SYNE2: variants seen among roughly 807,000 people sequenced by gnomAD.
The protein encoded by SYNE2 is nesprin-2.
Under a neutral mutation model 856.3 loss-of-function variants are expected in SYNE2, and 431 were observed. The ratio of observed to expected loss-of-function variants is 0.50; its 90% CI spans 0.47 to 0.55. SYNE2 has a LOEUF of 0.55. Ranked by LOEUF, SYNE2 falls within the 20% of genes least tolerant of loss-of-function variation. SYNE2 has a pLI of 0.00. For synonymous variants in SYNE2, 2,923 were observed against 2,872.3 expected (o/e 1.02, Z -0.56); for missense variants, 8,129 against 8,023.2 (o/e 1.01, Z -0.50).
intron 1 of SYNE2, among the ~76,000 whole-genome samples, chr14:63,874,547 A>G (rs915354752): frequency 6.6e-6 from 1 of 152,188 alleles, no homozygotes; most frequent in Non-Finnish European, 1.5e-5. Flanking sequence ...GCCACTAACT[A>G]GCCTTGTCTC....
chr14:63,813,117 A>G (rs945887441), intron 1 of SYNE2, among the ~76,000 whole-genome samples: 3 of 152,186 alleles, frequency 2.0e-5, no homozygotes, highest in Non-Finnish European at 2.9e-5. Context: ...GAGGTTTTTA[A>G]AAGTGTAAAA....
At chr14:64,145,373 C>T (rs1300055207) in intron 83 of SYNE2, among the ~76,000 whole-genome samples, 24 of 151,836 alleles carry the variant, frequency 1.6e-4, no homozygotes, top group African/African-American at 4.8e-4. Context: ...CTGGGCATGG[C>T]GGCACGTGCC....
rs756967024 is a variant in SYNE2, at chr14:64,175,029, T to C, written c.17321T>C (p.Leu5774Pro). The C allele has an allele frequency of 3.2e-5, 52 of 1,614,052 alleles. No homozygotes were observed. In the Admixed American group the frequency reaches 8.5e-4, roughly 26 times the overall value. The change falls in exon 95 of 116, where the codon CTG becomes CCG. Residue 5774 changes from leucine (L) to proline (P), a missense_variant. This residue lies in a region of SYNE2 where 5,410 missense variants were observed against 5,284.8 expected (regional missense o/e 1.02). Transcript: ENST00000555002. The part of the protein sequence containing the change: ...AGEKLLLTTD[L>P]KTKESVGRRI... ...GAAAAGTTACTGCTCACAACTGACC[T>C]GAAAACTAAAGAGTCTGTGGGTAGG...
chr14:63,979,021 T>C lies in SYNE2; in HGVS notation c.1569+7T>C. 1 of 1,613,278 alleles carries C rather than the reference T, an allele frequency of 6.2e-7. No individual in the cohort carries two copies. The highest frequency in any genetic ancestry group is 1.1e-5 in the South Asian group (1 of 91,028). On this transcript the variant is annotated splice_region_variant and intron_variant, in intron 14 of 115. Coordinates refer to ENST00000555002, the MANE Select transcript of SYNE2 (RefSeq NM_182914.3). ...ATTGCTGGAAGACTGGCATGTAAGC[T>C]TTTCAATTTTGTGTCTTAGGCAACT...
chr14:64,138,857 C>T (rs1312801751), intron 79 of SYNE2, among the ~76,000 whole-genome samples: 2 of 150,706 alleles, frequency 1.3e-5, no homozygotes, highest in South Asian at 2.1e-4. Flanking sequence ...CGGGCAAATA[C>T]GTTGGGTGTT....
chr14:63,776,622 C>CA (rs1887117049), intron 1 of SYNE2, among the ~76,000 whole-genome samples: 7 of 137,188 alleles, frequency 5.1e-5, no homozygotes. Flanking sequence ...TTTTTTCAGA[C>CA]AGAGTCTCAC....
chr14:64,090,736 A>G, intron 59 of SYNE2, 130 bp from the exon 60 acceptor site: 3 of 844,236 alleles, frequency 3.6e-6, no homozygotes, highest in Non-Finnish European at 3.6e-6. Flanking sequence ...GTTCTTTTCA[A>G]TCTGAGCTAA....
intron 13 of SYNE2, among the ~76,000 whole-genome samples, chr14:63,978,560 T>C (rs2096562289): frequency 6.6e-6 from 1 of 152,240 alleles, no homozygotes; most frequent in South Asian, 2.1e-4. Flanking sequence ...AGTTTTCAGA[T>C]TTAGTAAACT....
At chr14:63,885,256 C>A (rs1246858539) in intron 1 of SYNE2, among the ~76,000 whole-genome samples, 1 of 152,216 alleles carries the variant, frequency 6.6e-6, no homozygotes, top group Non-Finnish European at 1.5e-5. Flanking sequence ...ATTATTGAGC[C>A]TGCTTTGCAA....
intron 43 of SYNE2, 139 bp from the exon 44 acceptor site, chr14:64,029,748 CTAAAATCT>C: frequency 3.9e-6 from 4 of 1,013,334 alleles, no homozygotes; most frequent in Non-Finnish European, 4.4e-6. Context: ...ATCTCCAACT[CTAAAATCT>C]TTAGAACTCT....
Position 64,223,264 on chromosome 14 carries a change from A to G in SYNE2, c.20266A>G (p.Lys6756Glu), listed in dbSNP as rs1364542012. The change falls in exon 113 of 116, where the codon AAG becomes GAG. Residue 6756 changes from lysine (K) to glutamate (E), a missense_variant. By Grantham distance (56) the Lys-to-Glu change is moderately conservative. Transcript: ENST00000555002. ...GGAGATTTCAAACAGCCTTCTCATTAAGGGACATGGAGAAGACTGTATTGA... is the reference window on the plus strand; with the variant it reads ...GGAGATTTCAAACAGCCTTCTCATTGAGGGACATGGAGAAGACTGTATTGA... ...LQEISNSLLI[K>E]GHGEDCIEAE... 6.2e-7 allele frequency: 1 copy of G among 1,614,222 alleles called. No individual in the cohort carries two copies. Among genetic ancestry groups the G allele is most frequent in the Non-Finnish European group, 8.5e-7 (1 of 1,180,022 alleles).
At position 63,976,735 on chromosome 14, in the gene SYNE2, A is replaced by G. The variant is rs1281459392; in HGVS notation, c.1293+8A>G. On this transcript the variant is annotated splice_region_variant and intron_variant, in intron 12 of 115. Coordinates refer to ENST00000555002, the MANE Select transcript of SYNE2 (RefSeq NM_182914.3). ...AAAATGACTTTATTCAAGGTTGGAA[A>G]AGAAAAAAAAGAGATGTAGGAAAAT... The G allele has an allele frequency of 6.2e-7, 1 of 1,612,942 alleles. No individual in the cohort carries two copies. The highest frequency in any genetic ancestry group is 8.5e-7 in the Non-Finnish European group (1 of 1,179,140).
In SYNE2 at chr14:64,205,794, A is replaced by G. The variant is rs541831427; in HGVS notation, c.18201+2831A>G. 2.9e-4 allele frequency among the ~76,000 whole-genome samples: 44 copies of G among 152,058 alleles called. No individual in the cohort carries two copies. In the East Asian group the frequency reaches 7.9e-3, roughly 27 times the overall value. The stretch of plus-strand genomic sequence containing the variant: ...GAACCACTTTCATTGAATCTTTAAG[A>G]TCCCTGTCCTAGTTTGTTCATTGGT... On this transcript the variant is annotated intron_variant, in intron 100 of 115. Coordinates refer to ENST00000555002, the MANE Select transcript of SYNE2 (RefSeq NM_182914.3).
At chr14:63,866,965 A>T (rs1895515927) in intron 1 of SYNE2, among the ~76,000 whole-genome samples, 1 of 152,026 alleles carries the variant, frequency 6.6e-6, no homozygotes, top group South Asian at 2.1e-4. Flanking sequence ...CCAACAAAAA[A>T]AGAAAAAATT....
chr14:63,836,758 C>G (rs559430433), intron 1 of SYNE2, among the ~76,000 whole-genome samples: 1 of 152,314 alleles, frequency 6.6e-6, no homozygotes, highest in Admixed American at 6.5e-5. Flanking sequence ...TCTCCCCCGA[C>G]AGTCTGTGCT....
At chr14:64,166,953 G>A (rs2098383308) in intron 90 of SYNE2, 2 of 453,954 alleles carry the variant, frequency 4.4e-6, no homozygotes, top group Admixed American at 3.5e-5. Flanking sequence ...AAATAAAAAA[G>A]CCTATTTTCT....
chr14:63,845,522 T>C (rs1312580706), intron 1 of SYNE2, among the ~76,000 whole-genome samples: 1 of 152,120 alleles, frequency 6.6e-6, no homozygotes, highest in Non-Finnish European at 1.5e-5. Flanking sequence ...ACTTTCTTCT[T>C]CTTGTTTTGA....
Position 63,934,945 on chromosome 14 carries a change from A to C in SYNE2, c.80-5669A>C, listed in dbSNP as rs2095811510. Among the ~76,000 whole-genome samples the C allele has an allele frequency of 2.6e-5, 4 of 152,116 alleles. No individual in the cohort carries two copies. In the South Asian group the frequency reaches 8.3e-4, roughly 32 times the overall value. ...CCCGATTAGTGTACAGTGTGTGCATATAACTTGATCTTGGAATCACAAAAA... is the reference window on the plus strand; with the variant it reads ...CCCGATTAGTGTACAGTGTGTGCATCTAACTTGATCTTGGAATCACAAAAA... On this transcript the variant is annotated intron_variant, in intron 2 of 115. Transcript: ENST00000555002.
chr14:64,052,898 C>T lies in SYNE2; in HGVS notation c.8985C>T (p.Ile2995=), dbSNP rs2097238156. 6.2e-7 allele frequency: 1 copy of T among 1,613,424 alleles called. No homozygotes were observed. The highest frequency in any genetic ancestry group is 1.3e-5 in the African/African-American group (1 of 74,908). ...GACTCACCGCTATTAAGTGTTGCATCTTACAGGTATTGAAACTTAAAAAAG... is the reference window on the plus strand; with the variant it reads ...GACTCACCGCTATTAAGTGTTGCATTTTACAGGTATTGAAACTTAAAAAAG... The part of the protein sequence containing the change: ...KDRLTAIKCC[I]LQVLKLKKVF... The change falls in exon 48 of 116, where the codon ATC becomes ATT. Residue 2995 remains isoleucine (I), a synonymous_variant. Transcript: ENST00000555002.
Sources: gnomAD v4.1 joint callset for allele counts (sites outside exome capture counted in the v4.1 genomes callset) on GRCh38, gnomAD v4.1.1 for gene constraint, gnomAD v4.1.1 regional missense constraint, MANE v1.5 for transcripts, NCBI Gene and HGNC (gene_info 2026-07-23, HGNC 2026-07-21) for gene names.